Variants in CA10 observed in about 807,000 individuals in gnomAD.
CA10 encodes the protein carbonic anhydrase 10 (inactive), also known as carbonic anhydrase-related protein 10.
A neutral mutation model predicts 44.2 loss-of-function variants in CA10; 14 were observed. The observed-to-expected ratio is 0.32, with a 90% confidence interval of 0.21 to 0.50. CA10 has a LOEUF of 0.50. CA10 is among the 20% of genes least tolerant of loss of function. The pLI is 0.99. For missense variants in CA10, 350 were observed against 409.7 expected (o/e 0.85, Z 1.26); for synonymous variants, 159 against 141.6 (o/e 1.12, Z -0.87).
At chr17:51,895,323 G>A (rs1981022587) in intron 3 of CA10, among the ~76,000 whole-genome samples, 1 of 151,972 alleles carries the variant, frequency 6.6e-6, no homozygotes, top group South Asian at 2.1e-4. Context: ...ACAGACCAAT[G>A]CCTGTAAAAA....
intron 3 of CA10, among the ~76,000 whole-genome samples, chr17:51,780,445 T>A (rs959039786): frequency 6.6e-6 from 1 of 152,182 alleles, no homozygotes; most frequent in Non-Finnish European, 1.5e-5. Context: ...GCCACCACAC[T>A]GTTTCTGAGA....
chr17:52,060,990 T>A (rs2191406), intron 2 of CA10, among the ~76,000 whole-genome samples: 1 of 152,156 alleles, frequency 6.6e-6, no homozygotes, highest in East Asian at 1.9e-4. Context: ...CTGACAACTA[T>A]AAAATCATAT....
intron 1 of CA10, among the ~76,000 whole-genome samples, chr17:52,086,006 T>C (rs1182237935): frequency 6.6e-6 from 1 of 152,248 alleles, no homozygotes; most frequent in African/African-American, 2.4e-5. Flanking sequence ...TTGTATACAA[T>C]TTATTTCATT....
chr17:51,961,414 A>G (rs1298039030), intron 2 of CA10, among the ~76,000 whole-genome samples: 3 of 151,916 alleles, frequency 2.0e-5, no homozygotes, highest in Non-Finnish European at 4.4e-5. Flanking sequence ...ACAAAAACCA[A>G]ATTAAGCCAA....
intron 2 of CA10, among the ~76,000 whole-genome samples, chr17:51,955,879 C>T (rs542413235): frequency 3.3e-5 from 5 of 151,342 alleles, no homozygotes; most frequent in Non-Finnish European, 7.4e-5. Flanking sequence ...CTAATGCATG[C>T]GGGGCTTAAA....
chr17:52,025,592 T>TA (rs924223524), intron 2 of CA10, among the ~76,000 whole-genome samples: 6 of 151,460 alleles, frequency 4.0e-5, no homozygotes, highest in African/African-American at 1.5e-4. Flanking sequence ...AGGGAATAAT[T>TA]AAAAAAAAAT....
chr17:51,999,176 C>T (rs1328711977), intron 2 of CA10, among the ~76,000 whole-genome samples: 1 of 151,952 alleles, frequency 6.6e-6, no homozygotes, highest in Non-Finnish European at 1.5e-5. Flanking sequence ...GTTTGGGGTA[C>T]TTTGTAAACA....
At chr17:51,884,144 T>C (rs922260959) in intron 3 of CA10, among the ~76,000 whole-genome samples, 1 of 152,176 alleles carries the variant, frequency 6.6e-6, no homozygotes, top group Non-Finnish European at 1.5e-5. Context: ...AGCTCTTCTG[T>C]TGCCTCCTTG....
intron 4 of CA10, among the ~76,000 whole-genome samples, chr17:51,739,167 A>G (rs1172108656): frequency 1.3e-5 from 2 of 152,130 alleles, no homozygotes; most frequent in African/African-American, 4.8e-5. Flanking sequence ...CCCAACGAAT[A>G]TAGGTCATTC....
At chr17:51,922,170 G>A (rs1227536196) in intron 3 of CA10, among the ~76,000 whole-genome samples, 1 of 152,138 alleles carries the variant, frequency 6.6e-6, no homozygotes, top group African/African-American at 2.4e-5. Context: ...CACCCTGCAA[G>A]GAAGGTAGAA....
intron 1 of CA10, among the ~76,000 whole-genome samples, chr17:52,146,638 C>T (rs970461390): frequency 2.0e-5 from 3 of 151,112 alleles, no homozygotes; most frequent in Admixed American, 1.3e-4. Flanking sequence ...TGCAGTGAGC[C>T]GAGATCCCAC....
chr17:51,942,300 A>G (rs1021133698), intron 2 of CA10, among the ~76,000 whole-genome samples: 2 of 152,106 alleles, frequency 1.3e-5, no homozygotes, highest in African/African-American at 4.8e-5. Context: ...ACCCAAACAC[A>G]ACACAACTGG....
At chr17:52,107,473 C>T (rs930041220) in intron 1 of CA10, among the ~76,000 whole-genome samples, 1 of 152,124 alleles carries the variant, frequency 6.6e-6, no homozygotes, top group African/African-American at 2.4e-5. Context: ...TTATTCCTCA[C>T]AAAGCTCCCC....
At chr17:51,639,092 G>T (rs922007691) in intron 6 of CA10, among the ~76,000 whole-genome samples, 6 of 152,206 alleles carry the variant, frequency 3.9e-5, no homozygotes, top group African/African-American at 7.2e-5. Context: ...CCACCGAAGG[G>T]ATTGAAGCCA....
intron 3 of CA10, among the ~76,000 whole-genome samples, chr17:51,838,421 C>A (rs997866248): frequency 6.6e-6 from 1 of 152,222 alleles, no homozygotes; most frequent in African/African-American, 2.4e-5. Flanking sequence ...CAACCCCCCA[C>A]CTCCATGAAA....
chr17:51,913,330 G>T (rs1981862658), intron 3 of CA10, among the ~76,000 whole-genome samples: 1 of 152,090 alleles, frequency 6.6e-6, no homozygotes, highest in African/African-American at 2.4e-5. Flanking sequence ...CTGAAGGCAG[G>T]GTGAGTCTAA....
chr17:52,146,611 A>G (rs1989592123), intron 1 of CA10, among the ~76,000 whole-genome samples: 1 of 152,066 alleles, frequency 6.6e-6, no homozygotes, highest in Admixed American at 6.5e-5. Flanking sequence ...AATGGCGTGA[A>G]CCCAGGAGGC....
At chr17:51,891,441 G>A (rs1363299872) in intron 3 of CA10, among the ~76,000 whole-genome samples, 3 of 152,218 alleles carry the variant, frequency 2.0e-5, no homozygotes, top group African/African-American at 7.2e-5. Context: ...AACAGAGGTG[G>A]TAATAGTTAG....
chr17:51,684,124 CA>C (rs990436554), intron 4 of CA10, among the ~76,000 whole-genome samples: 1 of 152,132 alleles, frequency 6.6e-6, no homozygotes, highest in Non-Finnish European at 1.5e-5. Context: ...AGGATCCTTC[CA>C]AGTGAATAGT....
Sources: allele counts gnomAD v4.1 joint callset (sites outside exome capture counted in the v4.1 genomes callset), GRCh38; gene constraint gnomAD v4.1.1; transcripts MANE v1.5; gene names NCBI Gene and HGNC (gene_info 2026-07-23, HGNC 2026-07-21).